Variants in THSD7A observed in about 807,000 individuals in gnomAD.
THSD7A encodes thrombospondin type 1 domain containing 7A.
In THSD7A, 96 loss-of-function variants were observed where a neutral mutation model predicts 231.3. That is an observed-to-expected ratio of 0.41 (90% confidence interval 0.35 to 0.49). The LOEUF is 0.49. Among genes scored for constraint, THSD7A ranks in the 20% least tolerant of loss-of-function variants. The pLI, the probability that THSD7A is intolerant of heterozygous loss-of-function variation, is 0.05. For missense variants in THSD7A, 2,290 were observed against 2,070.2 expected (o/e 1.11, Z -2.06); for synonymous variants, 940 against 743.3 (o/e 1.26, Z -4.30).
intron 7 of THSD7A, among the ~76,000 whole-genome samples, chr7:11,480,755 T>C (rs575654748): frequency 9.6e-4 from 146 of 152,236 alleles, no homozygotes; most frequent in African/African-American, 3.4e-3. Context: ...CACACACAGA[T>C]AGCAAATTTG....
At chr7:11,595,608 G>C (rs1780332184) in intron 2 of THSD7A, among the ~76,000 whole-genome samples, 3 of 152,170 alleles carry the variant, frequency 2.0e-5, no homozygotes, top group Admixed American at 2.0e-4. Flanking sequence ...AAGTGGATTA[G>C]TCACTTTATA....
intron 1 of THSD7A, among the ~76,000 whole-genome samples, chr7:11,790,333 A>G (rs1428052098): frequency 2.0e-5 from 3 of 152,084 alleles, no homozygotes; most frequent in Admixed American, 2.0e-4. Flanking sequence ...ATTTTGCAAC[A>G]TTTGTGCAAA....
Sources: allele counts gnomAD v4.1 joint callset (sites outside exome capture counted in the v4.1 genomes callset), GRCh38; gene constraint gnomAD v4.1.1; transcripts MANE v1.5; gene names NCBI Gene and HGNC (gene_info 2026-07-23, HGNC 2026-07-21).